The following ARHGEF6 variants were observed in gnomAD, a reference collection of about 807,000 sequenced individuals.
The protein encoded by ARHGEF6 is Rac/Cdc42 guanine nucleotide exchange factor 6.
A neutral mutation model predicts 70.3 loss-of-function variants in ARHGEF6; 9 were observed. That is an observed-to-expected ratio of 0.13 (90% CI 0.08 to 0.22). The LOEUF (loss-of-function observed/expected upper bound fraction) is 0.22, where lower values mean the gene tolerates loss of function less well. Ranked by LOEUF, ARHGEF6 falls within the 10% of genes least tolerant of loss-of-function variation. The pLI, the probability that ARHGEF6 is intolerant of heterozygous loss-of-function variation, is 1.00. For synonymous variants in ARHGEF6, 201 were observed against 207.8 expected, an observed-to-expected ratio of 0.97 and a Z score of 0.28; for missense variants, 470 against 563.0, an observed-to-expected ratio of 0.83 and a Z score of 1.67.
chrX:136,679,998 G>A (rs1336057436), intron 15 of ARHGEF6, among the ~76,000 whole-genome samples: 3 of 112,187 alleles, frequency 2.7e-5, no homozygotes. Flanking sequence ...TCTAGTAGGT[G>A]CTTAAATAGG....
intron 5 of ARHGEF6, 82 bp from the exon 6 acceptor site, chrX:136,732,254 A>G (rs1412739996): frequency 2.8e-6 from 2 of 722,395 alleles, no homozygotes; most frequent in African/African-American, 4.2e-5. Context: ...CTAACATACT[A>G]TAAAGATTCC....
chrX:136,743,890 C>T, intron 4 of ARHGEF6, 104 bp from the exon 5 acceptor site: 3 of 752,423 alleles, frequency 4.0e-6, no homozygotes, highest in Non-Finnish European at 6.0e-6. Flanking sequence ...AAAGACAAAA[C>T]CCCAGATCCA....
In ARHGEF6 at chrX:136,675,053, G is replaced by C; in HGVS notation, c.1989C>G (p.Ile663Met). 1 of 1,211,483 alleles carries C rather than the reference G, an allele frequency of 8.3e-7. No individual in the cohort carries two copies. The highest frequency in any genetic ancestry group is 1.1e-6 in the Non-Finnish European group (1 of 895,212). The change falls in exon 19 of 22, where the codon ATC becomes ATG. Residue 663 changes from isoleucine (I) to methionine (M), a missense_variant. Transcript: ENST00000250617. Reference protein sequence around the residue: ...LEEDAQILKVIEAYCTSANFQ... With the variant: ...LEEDAQILKVMEAYCTSANFQ... ...AATTTGCGCTGGTGCAGTAGGCTTC[G>C]ATCACTTTAAGGATTTGAGCATCCT...
At chrX:136,686,091 T>A (rs2076382922) in intron 11 of ARHGEF6, among the ~76,000 whole-genome samples, 1 of 112,006 alleles carries the variant, frequency 8.9e-6, no homozygotes, top group Admixed American at 9.4e-5. Context: ...AGCTTATTTC[T>A]CCCTCCCTGT....
At chrX:136,757,223 G>A (rs185197696) in intron 2 of ARHGEF6, among the ~76,000 whole-genome samples, 31 of 111,846 alleles carry the variant, frequency 2.8e-4, no homozygotes, top group African/African-American at 9.4e-4. Context: ...AACCAGATGT[G>A]GTGGCACACG....
intron 10 of ARHGEF6, among the ~76,000 whole-genome samples, chrX:136,689,142 A>C (rs749564627): frequency 8.9e-6 from 1 of 112,560 alleles, no homozygotes; most frequent in East Asian, 2.8e-4. Flanking sequence ...TCCTTATCCA[A>C]ATCAACTGAC....
At chrX:136,736,148 AGG>A (rs1380060397) in intron 5 of ARHGEF6, among the ~76,000 whole-genome samples, 1 of 112,032 alleles carries the variant, frequency 8.9e-6, no homozygotes, top group African/African-American at 3.2e-5. Context: ...CAACCTTTCT[AGG>A]TAACAAAACA....
chrX:136,693,709 T>C (rs946440623), intron 9 of ARHGEF6, among the ~76,000 whole-genome samples: 24 of 112,297 alleles, frequency 2.1e-4, no homozygotes, highest in Admixed American at 4.7e-4. Context: ...AAGAAAGCTA[T>C]GTATACTATA....
chrX:136,737,467 CAAA>C (rs375013587), intron 5 of ARHGEF6: 454 of 537,778 alleles, frequency 8.4e-4, no homozygotes, highest in South Asian at 1.6e-3. Flanking sequence ...AACTCCATCT[CAAA>C]AAAAAAAAAA....
At chrX:136,708,647 T>C (rs1170403642) in intron 8 of ARHGEF6, 28 bp downstream of exon 8, 1 of 1,143,508 alleles carries the variant, frequency 8.7e-7, no homozygotes, top group African/African-American at 1.8e-5. Flanking sequence ...TGTTGCTGGC[T>C]ATCCTATCAG....
At chrX:136,757,716 C>T (rs1456753708) in intron 2 of ARHGEF6, among the ~76,000 whole-genome samples, 2 of 112,169 alleles carry the variant, frequency 1.8e-5, no homozygotes. Context: ...GAACCACTAA[C>T]TTGGACACCT....
chrX:136,745,374 A>G (rs1245400118), intron 3 of ARHGEF6, 27 bp from the exon 4 acceptor site: 5 of 1,207,343 alleles, frequency 4.1e-6, no homozygotes, highest in Non-Finnish European at 5.6e-6. Flanking sequence ...AGGCATGTTA[A>G]AGGAACCACT....
At chrX:136,758,252 C>T (rs942765979) in intron 2 of ARHGEF6, among the ~76,000 whole-genome samples, 2 of 107,766 alleles carry the variant, frequency 1.9e-5, no homozygotes. Flanking sequence ...GAGGTCTCAC[C>T]GTGTTAGCCA....
rs760285231 is a variant in ARHGEF6, at chrX:136,682,780, C to T, written c.1457G>A (p.Arg486Gln). Residue 486 changes from arginine to glutamine, a missense_variant, in exon 13 of 22, where the codon CGG becomes CAG. Around this residue, in one of 3 missense-constraint regions of ARHGEF6, gnomAD observed 379 missense variants for 449.3 expected, o/e 0.84. Transcript: ENST00000250617. ...AACCTGATAGATAAAGCCACTCATCCGAGGACTTGCAGATAACATTATCAG... is the reference window on the plus strand; with the variant it reads ...AACCTGATAGATAAAGCCACTCATCTGAGGACTTGCAGATAACATTATCAG... Reference protein sequence around the residue: ...NVLIMLSASPRMSGFIYQGKI... With the variant: ...NVLIMLSASPQMSGFIYQGKI... The T allele has an allele frequency of 5.0e-6, 6 of 1,207,928 alleles. No individual in the cohort carries two copies. The highest frequency in any genetic ancestry group is 3.0e-5 in the East Asian group (1 of 33,759).
chrX:136,721,951 T>A (rs1037209490), intron 6 of ARHGEF6, among the ~76,000 whole-genome samples: 4 of 111,759 alleles, frequency 3.6e-5, no homozygotes, highest in African/African-American at 1.3e-4. Flanking sequence ...ATAAAAATGA[T>A]AACTCTGTGA....
chrX:136,689,652 G>A (rs892934579), intron 10 of ARHGEF6, among the ~76,000 whole-genome samples: 2 of 111,833 alleles, frequency 1.8e-5, no homozygotes, highest in African/African-American at 6.5e-5. Flanking sequence ...ATGTGGTTTC[G>A]CTCAGAGAAC....
chrX:136,744,373 T>C (rs961875064), intron 4 of ARHGEF6, among the ~76,000 whole-genome samples: 7 of 112,315 alleles, frequency 6.2e-5, no homozygotes, highest in Non-Finnish European at 1.3e-4. Context: ...ATGGATATAT[T>C]AAGTCAGGAA....
chrX:136,725,350 T>G (rs189064522), intron 6 of ARHGEF6, among the ~76,000 whole-genome samples: 1 of 107,600 alleles, frequency 9.3e-6, no homozygotes, highest in African/African-American at 3.5e-5. Context: ...AATAAGTCTT[T>G]TTATCAAATT....
At chrX:136,736,674 T>C (rs1485797749) in intron 5 of ARHGEF6, among the ~76,000 whole-genome samples, 6 of 110,296 alleles carry the variant, frequency 5.4e-5, no homozygotes, top group African/African-American at 2.0e-4. Context: ...CTTCTATTTC[T>C]TAACTTTCTA....
Sources: allele counts gnomAD v4.1 joint callset (sites outside exome capture counted in the v4.1 genomes callset), GRCh38; gene constraint gnomAD v4.1.1; regional missense constraint gnomAD v4.1.1; transcripts MANE v1.5; gene names NCBI Gene and HGNC (gene_info 2026-07-23, HGNC 2026-07-21).